PPARGC1A: variants seen among roughly 807,000 people sequenced by gnomAD.
The protein encoded by PPARGC1A is PPARG coactivator 1 alpha.
Under a neutral mutation model 88.7 loss-of-function variants are expected in PPARGC1A, and 25 were observed. The observed-to-expected ratio is 0.28, with a 90% CI of 0.21 to 0.39. PPARGC1A has a LOEUF of 0.39. Ranked by LOEUF, PPARGC1A falls within the 10% of genes least tolerant of loss-of-function variation. PPARGC1A has a pLI of 1.00. For missense variants in PPARGC1A, 880 were observed against 968.7 expected, an observed-to-expected ratio of 0.91 and a Z score of 1.22; for synonymous variants, 363 against 355.6, an observed-to-expected ratio of 1.02 and a Z score of -0.24.
chr4:24,190,739 C>A, the PPARGC1A span, among the ~76,000 whole-genome samples: 11 of 152,232 alleles, frequency 7.2e-5, no homozygotes, highest in Admixed American at 5.2e-4. Flanking sequence ...GTCTTCACAG[C>A]CTGGGCATTT....
the PPARGC1A span, among the ~76,000 whole-genome samples, chr4:24,168,883 T>A: frequency 6.6e-6 from 1 of 152,224 alleles, no homozygotes; most frequent in African/African-American, 2.4e-5. Context: ...AAAGAATTTA[T>A]CTAAATATGC....
chr4:24,160,691 C>T, the PPARGC1A span, among the ~76,000 whole-genome samples: 8 of 152,190 alleles, frequency 5.3e-5, no homozygotes, highest in African/African-American at 1.9e-4. Context: ...TTGTCCCTTC[C>T]CCTTGTAGAA....
chr4:23,845,942 G>A (rs977257681), intron 2 of PPARGC1A, among the ~76,000 whole-genome samples: 7 of 152,286 alleles, frequency 4.6e-5, no homozygotes, highest in Non-Finnish European at 8.8e-5. Flanking sequence ...AATTCCAAAT[G>A]CAGACTCATT....
At chr4:24,364,536 C>T in the PPARGC1A span, among the ~76,000 whole-genome samples, 49,436 of 151,942 alleles carry the variant, frequency 0.33, 8,264 homozygotes, top group South Asian at 0.39. Flanking sequence ...CAGTTTTTCT[C>T]TAGTTCCTCA....
At chr4:24,459,229 T>C in the PPARGC1A span, among the ~76,000 whole-genome samples, 17 of 152,264 alleles carry the variant, frequency 1.1e-4, no homozygotes, top group African/African-American at 4.1e-4. Context: ...ACTCCCTTTT[T>C]AGCAAAAAGG....
At chr4:23,979,467 A>G in the PPARGC1A span, among the ~76,000 whole-genome samples, 1 of 152,142 alleles carries the variant, frequency 6.6e-6, no homozygotes, top group Admixed American at 6.5e-5. Context: ...CAGTGCACAT[A>G]AAGTCTGCTC....
At chr4:23,981,275 C>T in the PPARGC1A span, among the ~76,000 whole-genome samples, 64 of 152,156 alleles carry the variant, frequency 4.2e-4, 2 homozygotes, top group African/African-American at 1.4e-3. Flanking sequence ...TCAGTCAATA[C>T]ACCATGAGAG....
chr4:24,059,400 G>A, the PPARGC1A span, among the ~76,000 whole-genome samples: 11 of 152,200 alleles, frequency 7.2e-5, no homozygotes, highest in East Asian at 9.7e-4. Flanking sequence ...CAAGTGTACC[G>A]CAGAATGCAT....
chr4:24,048,150 T>C, the PPARGC1A span, among the ~76,000 whole-genome samples: 9 of 152,186 alleles, frequency 5.9e-5, no homozygotes, highest in Non-Finnish European at 1.3e-4. Context: ...TACTTCAATC[T>C]CTCTTTGTAC....
chr4:24,152,115 C>A, the PPARGC1A span, among the ~76,000 whole-genome samples: 1 of 152,168 alleles, frequency 6.6e-6, no homozygotes, highest in East Asian at 1.9e-4. Context: ...TCTGCACAAG[C>A]ACATGCCCAA....
the PPARGC1A span, among the ~76,000 whole-genome samples, chr4:24,244,072 G>T: frequency 6.6e-6 from 1 of 151,980 alleles, no homozygotes. Flanking sequence ...CCTCCCTTGG[G>T]GCTTCCTAAT....
chr4:23,912,960 G>GT, the PPARGC1A span, among the ~76,000 whole-genome samples: 455 of 140,572 alleles, frequency 3.2e-3, 2 homozygotes, highest in African/African-American at 8.9e-3. Context: ...GGCTAATTTC[G>GT]TTTTTTTTTT....
chr4:24,077,665 G>T, the PPARGC1A span, among the ~76,000 whole-genome samples: 1 of 147,542 alleles, frequency 6.8e-6, no homozygotes, highest in South Asian at 2.1e-4. Context: ...GTGTGTGTGT[G>T]TGTGTGTTTC....
At position 23,811,889 on chromosome 4, in the gene PPARGC1A, CTTTTTTTTTTTTTTTTTTTTTTTTTTTT is replaced by C. The variant is rs71196134; in HGVS notation, c.2019+830_2019+857del. On this transcript the variant is annotated intron_variant, in intron 10 of 12. Transcript: ENST00000264867. ...GACGACCATCACGCAGAAGAAATGA[CTTTTTTTTTTTTTTTTTTTTTTTTTTTT>C]TTTTTTTTTTTTTTTTTTGAGACAG... Among the ~76,000 whole-genome samples the C allele has an allele frequency of 6.6e-4, 39 of 59,084 alleles. No homozygotes were observed. In the East Asian group the frequency reaches 0.02, roughly 30 times the overall value. The allele number at this position is 59,084 out of a possible 152,430, so 38.8% of individuals were successfully genotyped here. A position where few individuals can be genotyped will look rare whatever the true frequency, so the allele number is the denominator to read the frequency against.
chr4:24,354,224 A>G, the PPARGC1A span, among the ~76,000 whole-genome samples: 1 of 152,068 alleles, frequency 6.6e-6, no homozygotes, highest in African/African-American at 2.4e-5. Flanking sequence ...AATTTTAAGG[A>G]CTCATGTGAT....
At chr4:23,959,017 CAAAAAA>C in the PPARGC1A span, among the ~76,000 whole-genome samples, 1 of 138,854 alleles carries the variant, frequency 7.2e-6, no homozygotes. Flanking sequence ...TTTACCAAAC[CAAAAAA>C]AAAAAAAAAA....
the PPARGC1A span, among the ~76,000 whole-genome samples, chr4:24,264,671 A>G: frequency 1.3e-5 from 2 of 152,280 alleles, no homozygotes; most frequent in African/African-American, 4.8e-5. Context: ...CACCCAGCAC[A>G]GTGCCTGCTA....
chr4:24,008,725 G>A, the PPARGC1A span, among the ~76,000 whole-genome samples: 1 of 151,436 alleles, frequency 6.6e-6, no homozygotes, highest in East Asian at 1.9e-4. Context: ...AACAGTCTTT[G>A]ATTGACAGAA....
chr4:23,969,432 T>G, the PPARGC1A span, among the ~76,000 whole-genome samples: 1 of 152,192 alleles, frequency 6.6e-6, no homozygotes, highest in Admixed American at 6.5e-5. Flanking sequence ...AGCTGTGACC[T>G]ACCTAGGCCA....
Sources: gnomAD v4.1 joint callset for allele counts (sites outside exome capture counted in the v4.1 genomes callset) on GRCh38, gnomAD v4.1.1 for gene constraint, MANE v1.5 for transcripts, NCBI Gene and HGNC (gene_info 2026-07-23, HGNC 2026-07-21) for gene names.